Variants in NR6A1 observed in about 807,000 individuals in gnomAD.
NR6A1 encodes nuclear receptor subfamily 6 group A member 1.
NR6A1 carries 7 observed loss-of-function variants against 59.1 expected under a neutral mutation model. That is an observed-to-expected ratio of 0.12 (90% CI 0.07 to 0.22). The LOEUF (loss-of-function observed/expected upper bound fraction) is 0.22, where lower values mean the gene tolerates loss of function less well. NR6A1 is among the 10% of genes least tolerant of loss of function. NR6A1 has a pLI of 1.00. For missense variants in NR6A1, 468 were observed against 611.6 expected, an observed-to-expected ratio of 0.77 and a Z score of 2.48; for synonymous variants, 243 against 236.1, an observed-to-expected ratio of 1.03 and a Z score of -0.27.
intron 2 of NR6A1, among the ~76,000 whole-genome samples, chr9:124,624,912 G>GTTTTTT (rs71492418): frequency 1.5e-5 from 2 of 134,838 alleles, no homozygotes; most frequent in African/African-American, 2.7e-5. Context: ...TTGCTAGCTT[G>GTTTTTT]TTTTTTTTTT....
In NR6A1 at chr9:124,599,639, T is replaced by C. The variant is rs916649138; in HGVS notation, c.143-45069A>G. 33 of 1,166,310 alleles carry C rather than the reference T, an allele frequency of 2.8e-5. No individual in the cohort carries two copies. The African/African-American group carries it at 5.4e-4, about 19-fold the overall frequency. 72.2% of individuals were successfully genotyped at this position (1,166,310 alleles called of 1,614,324 possible). A position where few individuals can be genotyped will look rare whatever the true frequency, so the allele number is the denominator to read the frequency against. The stretch of plus-strand genomic sequence containing the variant: ...CGGTCGTCGCCGGCTCCGCGGCCTC[T>C]CGGCGACTACTCGTAGCTCCTTCCC... On this transcript the variant is annotated intron_variant, in intron 2 of 9. Transcript: ENST00000487099.
At chr9:124,684,701 G>A (rs917515654) in intron 2 of NR6A1, among the ~76,000 whole-genome samples, 11 of 152,262 alleles carry the variant, frequency 7.2e-5, no homozygotes, top group African/African-American at 1.7e-4. Context: ...AAAGAAAAGC[G>A]GTAAAGTGTA....
rs151059163 is a variant in NR6A1, at chr9:124,771,173, C to G, written c.-54G>C. 2.5e-3 allele frequency: 2,559 copies of G among 1,030,844 alleles called. 43 individuals are homozygous for G. In the African/African-American group the frequency reaches 0.039, roughly 16 times the overall value. 63.9% of individuals were successfully genotyped at this position (1,030,844 alleles called of 1,614,324 possible). On this transcript the variant is annotated 5_prime_UTR_variant, in exon 1 of 10. Coordinates refer to ENST00000487099, the MANE Select transcript of NR6A1 (RefSeq NM_033334.4). ...TTGTTGCTCCGCCATGACCGGCGCC[C>G]TAGTCGCCGTGGTCGTCGTCCGCCG... is the stretch of plus-strand genomic sequence containing the variant.
intron 1 of NR6A1, among the ~76,000 whole-genome samples, chr9:124,741,261 G>C (rs1349194764): frequency 6.6e-6 from 1 of 151,932 alleles, no homozygotes; most frequent in Non-Finnish European, 1.5e-5. Flanking sequence ...TTGTAAATTT[G>C]TCACACCACA....
intron 4 of NR6A1, among the ~76,000 whole-genome samples, chr9:124,542,329 T>C (rs546603000): frequency 4.0e-4 from 61 of 152,378 alleles, no homozygotes; most frequent in Admixed American, 8.5e-4. Flanking sequence ...CACAGCCTGA[T>C]TGAATGTACG....
chr9:124,673,111 C>A (rs765961445), intron 2 of NR6A1, among the ~76,000 whole-genome samples: 5 of 152,104 alleles, frequency 3.3e-5, no homozygotes, highest in African/African-American at 4.8e-5. Flanking sequence ...TGCTTGAGCC[C>A]AGGAGTTTGA....
At chr9:124,643,784 G>A (rs894400450) in intron 2 of NR6A1, among the ~76,000 whole-genome samples, 3 of 150,532 alleles carry the variant, frequency 2.0e-5, no homozygotes, top group African/African-American at 7.3e-5. Context: ...AAGAGAGAGA[G>A]AGAGAAAGGG....
At chr9:124,615,968 C>G (rs778861926) in intron 2 of NR6A1, among the ~76,000 whole-genome samples, 6 of 151,814 alleles carry the variant, frequency 4.0e-5, no homozygotes, top group Admixed American at 2.0e-4. Context: ...CTCAGGTGAT[C>G]TGCCTGCCTC....
At chr9:124,651,110 C>T (rs886606470) in intron 2 of NR6A1, among the ~76,000 whole-genome samples, 2 of 152,238 alleles carry the variant, frequency 1.3e-5, no homozygotes, top group South Asian at 4.1e-4. Flanking sequence ...CACTGGAGTG[C>T]AGTGGTTCCA....
chr9:124,637,854 T>C (rs1381382372), intron 2 of NR6A1, among the ~76,000 whole-genome samples: 8 of 135,092 alleles, frequency 5.9e-5, no homozygotes, highest in Non-Finnish European at 1.2e-4. Context: ...ACTGTGCCAC[T>C]GCACTCCAGC....
At chr9:124,680,880 A>G (rs1297886627) in intron 2 of NR6A1, among the ~76,000 whole-genome samples, 1 of 152,222 alleles carries the variant, frequency 6.6e-6, no homozygotes, top group Non-Finnish European at 1.5e-5. Context: ...GATGGTACAA[A>G]GTCAATGCTG....
chr9:124,536,060 A>G lies in NR6A1; in HGVS notation c.897T>C (p.Ile299=), dbSNP rs1363849421. 2 of 1,614,212 alleles carry G rather than the reference A, an allele frequency of 1.2e-6. No homozygotes were observed. Among genetic ancestry groups the G allele is most frequent in the Non-Finnish European group, 1.7e-6 (2 of 1,180,034 alleles). Residue 299 remains isoleucine (I), a synonymous_variant, in exon 7 of 10, where the codon ATT becomes ATC. Transcript: ENST00000487099. ...AGAAAGGCAGTTTCTTGATCCAGGC[A>G]ATCTGCCTAAAGAGCAGCTCGTCGG... ...RLADELLFRQ[I]AWIKKLPFFC...
Position 124,526,804 on chromosome 9 carries a change from C to T in NR6A1, c.1176G>A (p.Met392Ile), listed in dbSNP as rs1454542770. The T allele has an allele frequency of 6.2e-7, 1 of 1,613,832 alleles. No homozygotes were observed. The highest frequency in any genetic ancestry group is 8.5e-7 in the Non-Finnish European group (1 of 1,179,876). The change falls in exon 8 of 10, where the codon ATG becomes ATA. Residue 392 changes from methionine (M) to isoleucine (I), a missense_variant. By Grantham distance (10) the Met-to-Ile change is conservative (BLOSUM62 1). Coordinates refer to ENST00000487099, the MANE Select transcript of NR6A1 (RefSeq NM_033334.4). ...LKVSNEEYAC[M>I]KAINFLNQDI... Reference sequence around the variant, plus strand: ...CTTGATTTAGGAAGTTAATTGCTTTCATGCAAGCATACTCCTCGTTGCTGA... The same window carrying T: ...CTTGATTTAGGAAGTTAATTGCTTTTATGCAAGCATACTCCTCGTTGCTGA...
rs538783479 is a variant in NR6A1 at position 124,569,159 on chromosome 9, CT to C, written c.143-14590del. On this transcript the variant is annotated intron_variant, in intron 2 of 9. Transcript: ENST00000487099. ...CTGCTGCTGCATCACCCATCCCCCC[CT>C]TTAAGGAAACAAAGAAATGACAGGA... 3.3e-5 allele frequency among the ~76,000 whole-genome samples: 5 copies of C among 152,264 alleles called. No individual in the cohort carries two copies. In the South Asian group the frequency reaches 8.3e-4, roughly 25 times the overall value.
chr9:124,585,281 C>T (rs1025245543), intron 2 of NR6A1, among the ~76,000 whole-genome samples: 1 of 152,132 alleles, frequency 6.6e-6, no homozygotes, highest in African/African-American at 2.4e-5. Context: ...TGGCTCATGC[C>T]TGTAATCCCA....
intron 1 of NR6A1, among the ~76,000 whole-genome samples, chr9:124,766,801 C>G (rs1263531239): frequency 6.6e-6 from 1 of 152,208 alleles, no homozygotes; most frequent in Non-Finnish European, 1.5e-5. Context: ...TCTATCCTGG[C>G]TTTATGCAAT....
chr9:124,686,333 A>G (rs1439237094), intron 2 of NR6A1, among the ~76,000 whole-genome samples: 1 of 152,232 alleles, frequency 6.6e-6, no homozygotes, highest in Non-Finnish European at 1.5e-5. Context: ...TGGTTGTTGC[A>G]AAACACACGC....
intron 2 of NR6A1, among the ~76,000 whole-genome samples, chr9:124,589,512 T>A (rs1410825858): frequency 2.0e-5 from 3 of 152,204 alleles, no homozygotes; most frequent in African/African-American, 7.2e-5. Flanking sequence ...AGTGTACATG[T>A]ACACATACTC....
At chr9:124,736,113 A>G (rs1190938022) in intron 1 of NR6A1, among the ~76,000 whole-genome samples, 1 of 152,230 alleles carries the variant, frequency 6.6e-6, no homozygotes, top group Non-Finnish European at 1.5e-5. Flanking sequence ...AAAACGGGAC[A>G]AAAGTACAGG....
Sources: allele counts gnomAD v4.1 joint callset (sites outside exome capture counted in the v4.1 genomes callset), GRCh38; gene constraint gnomAD v4.1.1; transcripts MANE v1.5; gene names NCBI Gene and HGNC (gene_info 2026-07-23, HGNC 2026-07-21).